Variants in MACROD2 observed in about 807,000 individuals in gnomAD.
The protein encoded by MACROD2 is ADP-ribose glycohydrolase MACROD2.
In MACROD2, 36 loss-of-function variants were observed where a neutral mutation model predicts 70.4. The observed-to-expected ratio is 0.51, with a 90% CI of 0.39 to 0.68. The LOEUF (loss-of-function observed/expected upper bound fraction) is 0.68, where lower values mean the gene tolerates loss of function less well. Among genes scored for constraint, MACROD2 ranks in the 30% least tolerant of loss-of-function variants. The pLI is 0.00. For missense variants in MACROD2, 496 were observed against 538.4 expected (o/e 0.92, Z 0.78); for synonymous variants, 172 against 178.8 (o/e 0.96, Z 0.30).
intron 10 of MACROD2, among the ~76,000 whole-genome samples, chr20:15,906,597 C>CA (rs199506898): frequency 0.047 from 6,558 of 140,378 alleles, 223 homozygotes; most frequent in African/African-American, 0.096. Context: ...CTCCTTGTAA[C>CA]AAAAAAAAAA....
intron 6 of MACROD2, among the ~76,000 whole-genome samples, chr20:15,332,357 G>A (rs184837081): frequency 1.1e-4 from 17 of 151,556 alleles, no homozygotes; most frequent in South Asian, 2.1e-4. Context: ...TACTTCATAC[G>A]CTTAGGAGGA....
At chr20:15,461,006 A>ATATATATTTTTTTT in intron 7 of MACROD2, among the ~76,000 whole-genome samples, 142 of 66,986 alleles carry the variant, frequency 2.1e-3, no homozygotes, top group African/African-American at 5.3e-3. Context: ...ATATATATAT[A>ATATATATTTTTTTT]TTTTTTTTTA....
chr20:14,836,158 T>A lies in MACROD2; in HGVS notation c.418+151199T>A, dbSNP rs773392005. On this transcript the variant is annotated intron_variant, in intron 5 of 17. Transcript: ENST00000684519. ...CACACAAAAAGTGAGGGGTCCGTAC[T>A]CAAAAAAAATTTTGGAAAAGAGTGG... Among the ~76,000 whole-genome samples the A allele has an allele frequency of 1.5e-3, 224 of 152,064 alleles. 4 individuals carry two copies. Among genetic ancestry groups the A allele is most frequent in the Non-Finnish European group, 2.4e-3 (163 of 67,942 alleles).
intron 8 of MACROD2, among the ~76,000 whole-genome samples, chr20:15,611,123 G>A (rs146370462): frequency 6.8e-6 from 1 of 146,516 alleles, no homozygotes; most frequent in African/African-American, 2.5e-5. Flanking sequence ...GTACAGCTAA[G>A]AGCACACTGC....
At chr20:15,690,212 G>C (rs1224353631) in intron 8 of MACROD2, among the ~76,000 whole-genome samples, 5 of 152,196 alleles carry the variant, frequency 3.3e-5, no homozygotes, top group African/African-American at 9.7e-5. Context: ...CAGATGAATG[G>C]TGCTCTAGGA....
intron 3 of MACROD2, among the ~76,000 whole-genome samples, chr20:14,397,056 G>A (rs1290702517): frequency 1.4e-5 from 2 of 139,456 alleles, no homozygotes; most frequent in African/African-American, 2.7e-5. Context: ...GTGCAGTGGC[G>A]CAATCTCGGC....
intron 3 of MACROD2, among the ~76,000 whole-genome samples, chr20:14,257,742 T>A (rs975623802): frequency 1.4e-4 from 22 of 152,208 alleles, no homozygotes; most frequent in Non-Finnish European, 2.8e-4. Context: ...TGTCCTTTAT[T>A]TATTTATTTA....
At chr20:14,829,078 C>G (rs1277007399) in intron 5 of MACROD2, among the ~76,000 whole-genome samples, 1 of 150,760 alleles carries the variant, frequency 6.6e-6, no homozygotes, top group Non-Finnish European at 1.5e-5. Context: ...TCCTGATGCT[C>G]TCCCTCCCAC....
chr20:14,942,413 C>G (rs546956184), intron 5 of MACROD2, among the ~76,000 whole-genome samples: 341 of 151,620 alleles, frequency 2.2e-3, no homozygotes, highest in Non-Finnish European at 2.6e-3. Context: ...TTCTTCTCCT[C>G]TTCCTCCTTT....
At chr20:15,572,104 A>C (rs1245359854) in intron 8 of MACROD2, among the ~76,000 whole-genome samples, 3 of 152,122 alleles carry the variant, frequency 2.0e-5, no homozygotes, top group African/African-American at 7.2e-5. Flanking sequence ...ACAAAATTTA[A>C]ACTCTTTTCA....
At chr20:14,403,134 C>G (rs1042507182) in intron 3 of MACROD2, among the ~76,000 whole-genome samples, 1 of 151,902 alleles carries the variant, frequency 6.6e-6, no homozygotes, top group African/African-American at 2.4e-5. Flanking sequence ...CAAGATGAGA[C>G]AAATGTAGAA....
Position 15,128,613 on chromosome 20 carries a change from A to G in MACROD2, c.419-101327A>G, listed in dbSNP as rs1053234875. Among the ~76,000 whole-genome samples the G allele has an allele frequency of 2.8e-4, 42 of 152,192 alleles. 1 individual carries two copies. The highest frequency in any genetic ancestry group is 3.4e-3 in the Middle Eastern group (1 of 294). Reference sequence around the variant, plus strand: ...AAAGAAATTCTAGCTGTGAGGGCCAATGGACTTGGGTTACATATAAGAATT... The same window carrying G: ...AAAGAAATTCTAGCTGTGAGGGCCAGTGGACTTGGGTTACATATAAGAATT... On this transcript the variant is annotated intron_variant, in intron 5 of 17. Coordinates refer to ENST00000684519, the MANE Select transcript of MACROD2 (RefSeq NM_001351661.2).
chr20:15,624,604 T>C (rs1041311457), intron 8 of MACROD2, among the ~76,000 whole-genome samples: 1 of 152,152 alleles, frequency 6.6e-6, no homozygotes, highest in African/African-American at 2.4e-5. Flanking sequence ...TAAGTAAAGT[T>C]TTATTGAAAC....
In MACROD2 at chr20:14,681,126, G is replaced by A. The variant is rs970456063; in HGVS notation, c.302-3717G>A. On this transcript the variant is annotated intron_variant, in intron 4 of 17. Transcript: ENST00000684519. Reference sequence around the variant, plus strand: ...AATTACCAACATTAAAAAGGCTGACGACAACAAGGGACTGCCAAAATTTGA... The same window carrying A: ...AATTACCAACATTAAAAAGGCTGACAACAACAAGGGACTGCCAAAATTTGA... Among the ~76,000 whole-genome samples, 36 of 152,082 alleles carry A rather than the reference G, an allele frequency of 2.4e-4. 1 individual carries two copies. The highest frequency in any genetic ancestry group is 1.9e-3 in the Admixed American group (29 of 15,256).
intron 4 of MACROD2, among the ~76,000 whole-genome samples, chr20:14,495,465 A>T (rs1293394117): frequency 6.6e-6 from 1 of 152,220 alleles, no homozygotes; most frequent in East Asian, 1.9e-4. Context: ...TCTGGACAGT[A>T]TTCATTCCTA....
At chr20:14,260,135 T>C (rs1274506179) in intron 3 of MACROD2, among the ~76,000 whole-genome samples, 2 of 152,168 alleles carry the variant, frequency 1.3e-5, no homozygotes, top group African/African-American at 4.8e-5. Context: ...TGCCACAAAA[T>C]ACAATAATCA....
intron 5 of MACROD2, among the ~76,000 whole-genome samples, chr20:14,946,810 T>C (rs1363214972): frequency 6.6e-6 from 1 of 152,216 alleles, no homozygotes; most frequent in Non-Finnish European, 1.5e-5. Flanking sequence ...TTTCTTTTAA[T>C]TCACTTTCAT....
intron 6 of MACROD2, among the ~76,000 whole-genome samples, chr20:15,362,786 G>C (rs969990428): frequency 6.6e-6 from 1 of 151,842 alleles, no homozygotes; most frequent in African/African-American, 2.4e-5. Context: ...TTAAAAATTA[G>C]TCATTCTTGC....
intron 8 of MACROD2, among the ~76,000 whole-genome samples, chr20:15,601,829 C>T (rs922080400): frequency 9.9e-5 from 15 of 152,048 alleles, no homozygotes. Flanking sequence ...GAGATCGAGA[C>T]CATCCTGGCT....
Sources: gnomAD v4.1 joint callset for allele counts (sites outside exome capture counted in the v4.1 genomes callset) on GRCh38, gnomAD v4.1.1 for gene constraint, MANE v1.5 for transcripts, NCBI Gene and HGNC (gene_info 2026-07-23, HGNC 2026-07-21) for gene names.